The following CRTAC1 variants were observed in gnomAD, a reference collection of about 807,000 sequenced individuals.
The protein encoded by CRTAC1 is cartilage acidic protein 1.
A neutral mutation model predicts 67.8 loss-of-function variants in CRTAC1; 37 were observed. The observed-to-expected ratio is 0.55, with a 90% CI of 0.42 to 0.72. CRTAC1 has a LOEUF of 0.72. Ranked by LOEUF, CRTAC1 falls within the 30% of genes least tolerant of loss-of-function variation. CRTAC1 has a pLI of 0.00. For synonymous variants in CRTAC1, 348 were observed against 371.0 expected (o/e 0.94, Z 0.71); for missense variants, 780 against 931.6 (o/e 0.84, Z 2.12).
intron 2 of CRTAC1, among the ~76,000 whole-genome samples, chr10:97,971,433 TAAG>T (rs1241806030): frequency 6.6e-6 from 1 of 152,204 alleles, no homozygotes; most frequent in African/African-American, 2.4e-5. Context: ...ATTCCACTTA[TAAG>T]AAGTAGGTAG....
At chr10:97,973,101 T>C (rs539436445) in intron 2 of CRTAC1, among the ~76,000 whole-genome samples, 1 of 152,340 alleles carries the variant, frequency 6.6e-6, no homozygotes, top group East Asian at 1.9e-4. Context: ...CAACTAATTG[T>C]GTGTGTATAT....
intron 14 of CRTAC1, chr10:97,867,509 C>A (rs1179819115): frequency 6.6e-6 from 1 of 152,320 alleles, no homozygotes; most frequent in African/African-American, 2.4e-5. Context: ...TCAGCCTAGT[C>A]CTTGCAGCCT....
chr10:97,922,973 G>A (rs2050861504), intron 4 of CRTAC1, among the ~76,000 whole-genome samples: 1 of 152,182 alleles, frequency 6.6e-6, no homozygotes, highest in African/African-American at 2.4e-5. Context: ...TCTGCTTTGG[G>A]CTCCCATGCA....
chr10:97,929,919 A>G (rs1412943678), intron 3 of CRTAC1, among the ~76,000 whole-genome samples: 4 of 152,348 alleles, frequency 2.6e-5, no homozygotes, highest in African/African-American at 4.8e-5. Flanking sequence ...CTCCAGGGGA[A>G]GAAAGAACTC....
intron 2 of CRTAC1, among the ~76,000 whole-genome samples, chr10:97,949,965 T>A (rs1194156393): frequency 6.6e-6 from 1 of 152,186 alleles, no homozygotes; most frequent in Non-Finnish European, 1.5e-5. Flanking sequence ...TGACACATAA[T>A]GGGAGCTCAA....
At chr10:97,918,190 G>A (rs553391488) in intron 4 of CRTAC1, among the ~76,000 whole-genome samples, 163 of 152,260 alleles carry the variant, frequency 1.1e-3, no homozygotes, top group Non-Finnish European at 1.7e-3. Flanking sequence ...GCACAGATTT[G>A]CAGGGGTCCT....
At chr10:98,007,371 G>C (rs1044065506) in intron 2 of CRTAC1, among the ~76,000 whole-genome samples, 5 of 152,192 alleles carry the variant, frequency 3.3e-5, no homozygotes, top group African/African-American at 1.2e-4. Flanking sequence ...AGGAGACAGT[G>C]ACAAATCATC....
At chr10:97,962,206 A>G (rs1315222993) in intron 2 of CRTAC1, among the ~76,000 whole-genome samples, 1 of 152,192 alleles carries the variant, frequency 6.6e-6, no homozygotes, top group African/African-American at 2.4e-5. Context: ...CTCCAGGCAG[A>G]AAAAAGGGAG....
intron 5 of CRTAC1, among the ~76,000 whole-genome samples, chr10:97,914,036 G>C (rs573010551): frequency 2.2e-4 from 33 of 152,264 alleles, no homozygotes; most frequent in African/African-American, 5.5e-4. Context: ...TTCTTTTAAG[G>C]CTTCTTTAAT....
At chr10:98,018,785 C>T (rs1404457539) in intron 1 of CRTAC1, among the ~76,000 whole-genome samples, 1 of 151,924 alleles carries the variant, frequency 6.6e-6, no homozygotes, top group Non-Finnish European at 1.5e-5. Context: ...TGTAGGAGGG[C>T]TGAGACATGA....
intron 1 of CRTAC1, among the ~76,000 whole-genome samples, chr10:98,023,934 C>T (rs1314012240): frequency 6.6e-6 from 1 of 152,242 alleles, no homozygotes; most frequent in Admixed American, 6.5e-5. Context: ...GCTGTTCCCA[C>T]CAATCCTATA....
At chr10:97,987,698 TGTCAGCTCCATGACAGCA>T (rs2052005272) in intron 2 of CRTAC1, among the ~76,000 whole-genome samples, 1 of 152,246 alleles carries the variant, frequency 6.6e-6, no homozygotes, top group Non-Finnish European at 1.5e-5. Flanking sequence ...CCCATTAGAA[TGTCAGCTCCATGACAGCA>T]GGGACCATGT....
At position 97,927,038 on chromosome 10, in the gene CRTAC1, C is replaced by T. The variant is rs184332418; in HGVS notation, c.422-3638G>A. ...ACTGAAGCCTGGGCCAGCATGGAGT[C>T]GGGGAGAAAATGGGTGTGGCAGCTG... On this transcript the variant is annotated intron_variant, in intron 3 of 14. Transcript: ENST00000370597. Among the ~76,000 whole-genome samples, 461 of 152,282 alleles carry T rather than the reference C, an allele frequency of 3.0e-3. 1 individual carries two copies. The highest frequency in any genetic ancestry group is 0.01 in the Middle Eastern group (3 of 292).
chr10:97,932,320 T>G (rs896758841), intron 3 of CRTAC1, among the ~76,000 whole-genome samples: 1 of 152,164 alleles, frequency 6.6e-6, no homozygotes, highest in Non-Finnish European at 1.5e-5. Context: ...AATAAGTGCT[T>G]TCATTCGTTA....
intron 2 of CRTAC1, among the ~76,000 whole-genome samples, chr10:97,963,743 A>G (rs113510853): frequency 9.5e-4 from 144 of 152,374 alleles, no homozygotes; most frequent in African/African-American, 3.3e-3. Context: ...TATTAGCAGC[A>G]TCTACATTGC....
chr10:97,882,959 G>T (rs1484611016), intron 12 of CRTAC1, 131 bp from the exon 13 acceptor site: 1 of 907,850 alleles, frequency 1.1e-6, no homozygotes, highest in East Asian at 2.6e-5. Context: ...TCTGGGCCTG[G>T]GGGGAGCCCC....
intron 6 of CRTAC1, among the ~76,000 whole-genome samples, chr10:97,907,273 G>A (rs1274638642): frequency 2.0e-5 from 3 of 152,194 alleles, no homozygotes; most frequent in Admixed American, 6.5e-5. Flanking sequence ...GTTTCTGCTA[G>A]GTGGCACAGG....
Position 97,894,552 on chromosome 10 carries a change from C to G in CRTAC1, c.1486+693G>C, listed in dbSNP as rs112076192. 4.1e-3 allele frequency among the ~76,000 whole-genome samples: 621 copies of G among 150,492 alleles called. 3 individuals carry two copies. Among genetic ancestry groups the G allele is most frequent in the African/African-American group, 0.015 (600 of 41,050 alleles). On this transcript the variant is annotated intron_variant, in intron 11 of 14. Transcript: ENST00000370597. ...CTGGGACTACAGGCATGCGCCACCA[C>G]GCTTGGCTATTTTTTTTGTACTTTT...
At chr10:97,939,278 T>C (rs483614) in intron 2 of CRTAC1, among the ~76,000 whole-genome samples, 65,406 of 151,750 alleles carry the variant, frequency 0.43, 14,437 homozygotes, top group African/African-American at 0.52. Flanking sequence ...CTCGGAAAGG[T>C]AGTTGGCCCC....
Sources: allele counts gnomAD v4.1 joint callset (sites outside exome capture counted in the v4.1 genomes callset), GRCh38; gene constraint gnomAD v4.1.1; transcripts MANE v1.5; gene names NCBI Gene and HGNC (gene_info 2026-07-23, HGNC 2026-07-21).